The following TTC28 variants were observed in gnomAD, a reference collection of about 807,000 sequenced individuals.
TTC28 encodes the protein tetratricopeptide repeat domain 28, also known as tetratricopeptide repeat protein 28.
A neutral mutation model predicts 198.0 loss-of-function variants in TTC28; 61 were observed. The observed-to-expected ratio is 0.31, with a 90% CI of 0.25 to 0.38. The LOEUF is 0.38. Among genes scored for constraint, TTC28 ranks in the 10% least tolerant of loss-of-function variants. The pLI is 1.00. For synonymous variants in TTC28, 1,171 were observed against 1,297.8 expected, an observed-to-expected ratio of 0.90 and a Z score of 2.10; for missense variants, 2,678 against 3,164.0, an observed-to-expected ratio of 0.85 and a Z score of 3.69.
chr22:28,346,792 C>G (rs570621283), intron 2 of TTC28, among the ~76,000 whole-genome samples: 1 of 152,224 alleles, frequency 6.6e-6, no homozygotes, highest in Admixed American at 6.5e-5. Flanking sequence ...AACCACTGTT[C>G]TGGGAGATAG....
intron 2 of TTC28, among the ~76,000 whole-genome samples, chr22:28,404,956 GT>G (rs2046977467): frequency 6.6e-6 from 1 of 151,646 alleles, no homozygotes; most frequent in Non-Finnish European, 1.5e-5. Context: ...TATTTTTCCT[GT>G]TTGCCCATTG....
chr22:28,417,494 G>C (rs1056743383), intron 2 of TTC28, among the ~76,000 whole-genome samples: 2 of 151,662 alleles, frequency 1.3e-5, no homozygotes, highest in East Asian at 3.9e-4. Context: ...AAAAAAACAA[G>C]GAAATCTGAA....
At position 28,532,201 on chromosome 22, in the gene TTC28, A is replaced by G. The variant is rs367800309; in HGVS notation, c.381+97351T>C. Among the ~76,000 whole-genome samples, 64 of 152,264 alleles carry G rather than the reference A, an allele frequency of 4.2e-4. No homozygotes were observed. In the South Asian group the frequency reaches 0.012, roughly 29 times the overall value. On this transcript the variant is annotated intron_variant, in intron 2 of 22. Coordinates refer to ENST00000397906, the MANE Select transcript of TTC28 (RefSeq NM_001145418.2). ...GAAAAGAGAGAAGAATCAAATAGAC[A>G]CAATAAAAAATGATAAAGGGGATAC...
At chr22:28,039,113 G>A (rs1316233261) in intron 12 of TTC28, among the ~76,000 whole-genome samples, 5 of 152,280 alleles carry the variant, frequency 3.3e-5, no homozygotes, top group Middle Eastern at 3.4e-3. Flanking sequence ...TCAGTGTGGC[G>A]ATTCCTCAGG....
At chr22:28,622,901 A>C (rs1213388685) in intron 2 of TTC28, among the ~76,000 whole-genome samples, 2 of 151,510 alleles carry the variant, frequency 1.3e-5, no homozygotes, top group Non-Finnish European at 2.9e-5. Flanking sequence ...GGCTCACTGC[A>C]ACTTCTGCCT....
chr22:28,531,972 T>C (rs1057220119), intron 2 of TTC28, among the ~76,000 whole-genome samples: 2 of 152,076 alleles, frequency 1.3e-5, no homozygotes, highest in Non-Finnish European at 2.9e-5. Context: ...GATCTAAAAT[T>C]GACACCCTAA....
intron 6 of TTC28, among the ~76,000 whole-genome samples, chr22:28,132,388 C>T (rs1020455531): frequency 2.0e-5 from 3 of 152,200 alleles, no homozygotes; most frequent in African/African-American, 7.2e-5. Flanking sequence ...GTGACTTCAA[C>T]AGGACGCTGA....
intron 12 of TTC28, among the ~76,000 whole-genome samples, chr22:28,052,886 G>A (rs990667389): frequency 2.0e-5 from 3 of 152,140 alleles, no homozygotes; most frequent in African/African-American, 4.8e-5. Flanking sequence ...AGTCTTCTCC[G>A]ACACAACAGG....
intron 1 of TTC28, among the ~76,000 whole-genome samples, chr22:28,662,722 T>C (rs879468045): frequency 5.3e-5 from 8 of 152,244 alleles, no homozygotes; most frequent in Admixed American, 5.2e-4. Context: ...TATTTGGAAT[T>C]TGTGGCCAAT....
chr22:28,614,195 C>T (rs2050864766), intron 2 of TTC28, among the ~76,000 whole-genome samples: 1 of 152,034 alleles, frequency 6.6e-6, no homozygotes, highest in African/African-American at 2.4e-5. Flanking sequence ...CCACTCACGA[C>T]TGCTGCAAAG....
intron 2 of TTC28, among the ~76,000 whole-genome samples, chr22:28,604,297 TTATATATATATATATATA>T (rs35077140): frequency 8.8e-6 from 1 of 114,142 alleles, no homozygotes; most frequent in Admixed American, 8.9e-5. Context: ...AAAAAAAAAA[TTATATATATATATATATA>T]TATATATGTC....
intron 5 of TTC28, among the ~76,000 whole-genome samples, chr22:28,209,649 T>A (rs1926733944): frequency 6.6e-6 from 1 of 152,180 alleles, no homozygotes; most frequent in Non-Finnish European, 1.5e-5. Flanking sequence ...AAGCTCGAAC[T>A]GGGTGGAGCC....
chr22:28,087,038 G>C (rs1601604191), intron 12 of TTC28, among the ~76,000 whole-genome samples: 1 of 152,104 alleles, frequency 6.6e-6, no homozygotes, highest in South Asian at 2.1e-4. Flanking sequence ...CAACCAAAAA[G>C]AGTCCAGGAC....
At chr22:27,992,462 C>T (rs1937451191) in intron 19 of TTC28, 125 bp downstream of exon 19, 1 of 998,152 alleles carries the variant, frequency 1.0e-6, no homozygotes, top group South Asian at 1.6e-5. Context: ...CTCACCTTCT[C>T]CTTTGAATCA....
chr22:28,427,862 T>G (rs1443283641), intron 2 of TTC28, among the ~76,000 whole-genome samples: 1 of 152,008 alleles, frequency 6.6e-6, no homozygotes, highest in African/African-American at 2.4e-5. Flanking sequence ...TCTCCTCCCC[T>G]CCTACCTTCC....
chr22:28,164,534 G>T (rs1921657127), intron 5 of TTC28, among the ~76,000 whole-genome samples: 2 of 152,120 alleles, frequency 1.3e-5, no homozygotes. Context: ...AGGCAAACAG[G>T]GTCTGGAGTG....
chr22:28,614,636 G>GC (rs1201183815), intron 2 of TTC28, among the ~76,000 whole-genome samples: 2 of 152,060 alleles, frequency 1.3e-5, no homozygotes, highest in African/African-American at 4.8e-5. Flanking sequence ...CAGAAATAAT[G>GC]CCACACATCT....
At chr22:28,192,905 G>T (rs540138771) in intron 5 of TTC28, among the ~76,000 whole-genome samples, 1 of 152,300 alleles carries the variant, frequency 6.6e-6, no homozygotes, top group African/African-American at 2.4e-5. Context: ...AACCTAGCAA[G>T]GCAGGCCAAC....
intron 2 of TTC28, among the ~76,000 whole-genome samples, chr22:28,387,139 C>T (rs2046619400): frequency 6.6e-6 from 1 of 152,114 alleles, no homozygotes; most frequent in Admixed American, 6.6e-5. Context: ...TGATGGTTTC[C>T]AGTTTCATCC....
Sources: allele counts gnomAD v4.1 joint callset (sites outside exome capture counted in the v4.1 genomes callset), GRCh38; gene constraint gnomAD v4.1.1; transcripts MANE v1.5; gene names NCBI Gene and HGNC (gene_info 2026-07-23, HGNC 2026-07-21).